Variants in CHRNA7 observed in about 807,000 individuals in gnomAD.
CHRNA7 encodes cholinergic receptor nicotinic alpha 7 subunit.
CHRNA7 carries 17 observed loss-of-function variants against 48.0 expected under a neutral mutation model. That is an observed-to-expected ratio of 0.35 (90% confidence interval 0.24 to 0.53). The LOEUF is 0.53. CHRNA7 is among the 20% of genes least tolerant of loss of function. The pLI is 0.92. For synonymous variants in CHRNA7, 75 were observed against 242.3 expected, an observed-to-expected ratio of 0.31 and a Z score of 6.41; for missense variants, 155 against 577.7, an observed-to-expected ratio of 0.27 and a Z score of 7.50.
At position 32,150,423 on chromosome 15, in the gene CHRNA7, G is replaced by A. The variant is rs114249819; in HGVS notation, c.351-3484G>A. Among the ~76,000 whole-genome samples the A allele has an allele frequency of 7.4e-3, 1,121 of 152,256 alleles. 17 individuals are homozygous for A. The highest frequency in any genetic ancestry group is 0.026 in the African/African-American group (1,074 of 41,528). On this transcript the variant is annotated intron_variant, in intron 4 of 9. Transcript: ENST00000306901. Reference sequence around the variant, plus strand: ...TGATGGGGGAACGCATCCCACGTCTGGTGCGGGTTAGATGCCATGTAATTG... The same window carrying A: ...TGATGGGGGAACGCATCCCACGTCTAGTGCGGGTTAGATGCCATGTAATTG...
At chr15:32,067,244 A>T (rs1413187648) in intron 2 of CHRNA7, among the ~76,000 whole-genome samples, 2 of 152,222 alleles carry the variant, frequency 1.3e-5, no homozygotes, top group Admixed American at 6.5e-5. Context: ...CAAACTGTTG[A>T]AAGACAAAGA....
intron 4 of CHRNA7, among the ~76,000 whole-genome samples, chr15:32,148,628 C>G (rs1028132213): frequency 6.6e-6 from 1 of 152,214 alleles, no homozygotes; most frequent in African/African-American, 2.4e-5. Context: ...CATGGGCTCC[C>G]CCTGCCTATA....
intron 4 of CHRNA7, among the ~76,000 whole-genome samples, chr15:32,116,455 G>A (rs2050873443): frequency 6.6e-6 from 1 of 152,194 alleles, no homozygotes. Context: ...GGATGGGCAC[G>A]AATAAAAGCG....
chr15:32,116,989 G>A (rs1433301578), intron 4 of CHRNA7, among the ~76,000 whole-genome samples: 1 of 152,128 alleles, frequency 6.6e-6, no homozygotes, highest in East Asian at 1.9e-4. Context: ...AGAGCAGTGT[G>A]GCCAAGCCTG....
chr15:32,137,660 C>T (rs910203067), intron 4 of CHRNA7, among the ~76,000 whole-genome samples: 1 of 152,172 alleles, frequency 6.6e-6, no homozygotes, highest in African/African-American at 2.4e-5. Flanking sequence ...AAAATGCATC[C>T]TCATTCCACT....
intron 2 of CHRNA7, among the ~76,000 whole-genome samples, chr15:32,059,699 G>T (rs58772209): frequency 0.018 from 2,814 of 152,156 alleles, 83 homozygotes; most frequent in African/African-American, 0.065. Context: ...ACAACTGAGC[G>T]AATGGGAAGT....
rs538684864 is a variant in CHRNA7, at chr15:32,149,160, T to C, written c.351-4747T>C. ...GCATCTTCACAAACTGTGGATGTAC[T>C]GTGTCTTCCAGTAGTCAAAATAAAG... On this transcript the variant is annotated intron_variant, in intron 4 of 9. Transcript: ENST00000306901. The surrounding 1 kb of genome is among the most constrained non-coding windows in gnomAD (Gnocchi z 4.6). Among the ~76,000 whole-genome samples, 71 of 152,380 alleles carry C rather than the reference T, an allele frequency of 4.7e-4. No individual in the cohort carries two copies. The East Asian group carries it at 0.013, about 28-fold the overall frequency.
intron 2 of CHRNA7, among the ~76,000 whole-genome samples, chr15:32,074,814 A>T (rs2050112190): frequency 6.6e-6 from 1 of 151,690 alleles, no homozygotes; most frequent in Admixed American, 6.6e-5. Flanking sequence ...CGCCCAGCTA[A>T]TTTTTTGTAG....
intron 4 of CHRNA7, among the ~76,000 whole-genome samples, chr15:32,141,465 A>G (rs1291009677): frequency 1.3e-5 from 2 of 152,290 alleles, no homozygotes; most frequent in African/African-American, 2.4e-5. Context: ...GAAGAAAGTC[A>G]TTGGTAGCTT....
rs949197757 is a variant in CHRNA7, at chr15:32,120,843, C to T, written c.350+8944C>T. Among the ~76,000 whole-genome samples the T allele has an allele frequency of 2.0e-5, 3 of 152,246 alleles. No homozygotes were observed. In the South Asian group the frequency reaches 6.2e-4, roughly 32 times the overall value. ...TTTGTGATGTGGAACACAGAGCCAG[C>T]ACGGTTGTAAGGGCTGTGTGATAAA... On this transcript the variant is annotated intron_variant, in intron 4 of 9. Transcript: ENST00000306901.
chr15:32,080,159 A>T (rs979683198), intron 2 of CHRNA7, among the ~76,000 whole-genome samples: 1 of 152,236 alleles, frequency 6.6e-6, no homozygotes, highest in Non-Finnish European at 1.5e-5. Flanking sequence ...CTCAGGGTGG[A>T]TTAAAGACTT....
intron 4 of CHRNA7, among the ~76,000 whole-genome samples, chr15:32,148,794 C>G (rs892811854): frequency 6.6e-6 from 1 of 152,232 alleles, no homozygotes; most frequent in Non-Finnish European, 1.5e-5. Context: ...TCCAGGCAAG[C>G]CAGACCTTCC....
chr15:32,094,961 C>T (rs1311202918), intron 2 of CHRNA7, among the ~76,000 whole-genome samples: 1 of 152,250 alleles, frequency 6.6e-6, no homozygotes, highest in Admixed American at 6.5e-5. Flanking sequence ...AGGCACTTTT[C>T]TTCCTGCTAC....
chr15:32,031,499 G>A (rs983471308), intron 2 of CHRNA7, among the ~76,000 whole-genome samples: 1 of 152,178 alleles, frequency 6.6e-6, no homozygotes, highest in Non-Finnish European at 1.5e-5. Context: ...CTTTGCAGCT[G>A]GCGAATCTAT....
rs34200550 is a variant in CHRNA7, at chr15:32,059,944, CAAAAAAAAAAAA to C, written c.195+28926_195+28937del. Among the ~76,000 whole-genome samples, 45 of 33,062 alleles carry C rather than the reference CAAAAAAAAAAAA, an allele frequency of 1.4e-3. No homozygotes were observed. In the South Asian group the frequency reaches 0.034, roughly 25 times the overall value. The allele number at this position is 33,062 out of a possible 152,430, so 21.7% of individuals were successfully genotyped here. A position where few individuals can be genotyped will look rare whatever the true frequency, so the allele number is the denominator to read the frequency against. On this transcript the variant is annotated intron_variant, in intron 2 of 9. Transcript: ENST00000306901. Reference sequence around the variant, plus strand: ...ATCTCTGAAACGCCAAGTAGAAAAGCAAAAAAAAAAAAAAAAAAAAAAAAAAAAAAGTGTTTT... The same window carrying C: ...ATCTCTGAAACGCCAAGTAGAAAAGCAAAAAAAAAAAAAAAAAAGTGTTTT...
At chr15:32,122,356 C>T (rs1202527865) in intron 4 of CHRNA7, among the ~76,000 whole-genome samples, 3 of 152,180 alleles carry the variant, frequency 2.0e-5, no homozygotes, top group Non-Finnish European at 2.9e-5. Context: ...TGGGTCCTAT[C>T]CCGAGAAGCA....
chr15:32,128,339 G>A (rs1006591218), intron 4 of CHRNA7, among the ~76,000 whole-genome samples: 2 of 151,828 alleles, frequency 1.3e-5, no homozygotes, highest in African/African-American at 4.8e-5. Flanking sequence ...ACTCTTGCTG[G>A]GTTTTTAATG....
chr15:32,031,071 C>G, intron 2 of CHRNA7, 34 bp downstream of exon 2: 1 of 1,612,026 alleles, frequency 6.2e-7, no homozygotes, highest in Non-Finnish European at 8.5e-7. Context: ...CTGCCCTCTC[C>G]CCTTCCTGGG....
chr15:32,145,200 T>C (rs759642530), intron 4 of CHRNA7, among the ~76,000 whole-genome samples: 1 of 152,234 alleles, frequency 6.6e-6, no homozygotes, highest in Non-Finnish European at 1.5e-5. Context: ...TGGAGTTTGC[T>C]GGAGGTCCAC....
Sources: allele counts gnomAD v4.1 joint callset (sites outside exome capture counted in the v4.1 genomes callset), GRCh38; gene constraint gnomAD v4.1.1; non-coding constraint Gnocchi (gnomAD v3.1); transcripts MANE v1.5; gene names NCBI Gene and HGNC (gene_info 2026-07-23, HGNC 2026-07-21).